The following ESRRG variants were observed in gnomAD, a reference collection of about 807,000 sequenced individuals.
The protein encoded by ESRRG is estrogen-related receptor gamma.
ESRRG carries 13 observed loss-of-function variants against 44.0 expected under a neutral mutation model. The ratio of observed to expected loss-of-function variants is 0.30; its 90% CI spans 0.19 to 0.47. The LOEUF (loss-of-function observed/expected upper bound fraction) is 0.47, where lower values mean the gene tolerates loss of function less well. ESRRG is among the 20% of genes least tolerant of loss of function. The pLI is 1.00. For synonymous variants in ESRRG, 215 were observed against 214.6 expected (o/e 1.00, Z -0.02); for missense variants, 395 against 580.6 (o/e 0.68, Z 3.29).
chr1:216,589,809 CAGA>C (rs2057334518), intron 3 of ESRRG, among the ~76,000 whole-genome samples: 1 of 140,092 alleles, frequency 7.1e-6, no homozygotes, highest in Admixed American at 7.9e-5. Flanking sequence ...GAGGCTGAGG[CAGA>C]AGAATTGCTT....
intron 1 of ESRRG, among the ~76,000 whole-genome samples, chr1:216,980,740 T>G (rs2073820540): frequency 6.6e-6 from 1 of 152,158 alleles, no homozygotes; most frequent in Non-Finnish European, 1.5e-5. Flanking sequence ...TCCAGATAAA[T>G]GCATATCCCA....
chr1:216,812,875 T>C (rs2095020435), intron 2 of ESRRG, among the ~76,000 whole-genome samples: 2 of 152,188 alleles, frequency 1.3e-5, no homozygotes. Flanking sequence ...TTAGGGTCTA[T>C]TTTCTATGCC....
chr1:217,022,827 G>A (rs1046993966), intron 1 of ESRRG, among the ~76,000 whole-genome samples: 1 of 152,132 alleles, frequency 6.6e-6, no homozygotes, highest in Non-Finnish European at 1.5e-5. Flanking sequence ...AAGGAAGGAG[G>A]AAAGGAGGGA....
intron 1 of ESRRG, among the ~76,000 whole-genome samples, chr1:217,099,033 T>G (rs1241723862): frequency 2.0e-5 from 3 of 152,208 alleles, no homozygotes; most frequent in Non-Finnish European, 4.4e-5. Context: ...CATAATTTAC[T>G]CATTTATTTT....
intron 2 of ESRRG, among the ~76,000 whole-genome samples, chr1:216,739,408 T>C (rs1256167454): frequency 1.3e-5 from 2 of 152,194 alleles, no homozygotes; most frequent in East Asian, 1.9e-4. Context: ...TCTTTTGGAC[T>C]TTCTATTTGA....
intron 1 of ESRRG, among the ~76,000 whole-genome samples, chr1:216,953,048 TC>T (rs978129124): frequency 2.6e-5 from 4 of 152,112 alleles, no homozygotes; most frequent in African/African-American, 4.8e-5. Flanking sequence ...TTTCCATTTC[TC>T]CCCCACATAA....
chr1:216,686,614 A>G (rs748932251), intron 1 of ESRRG, among the ~76,000 whole-genome samples: 11 of 148,428 alleles, frequency 7.4e-5, no homozygotes, highest in Non-Finnish European at 1.3e-4. Flanking sequence ...ATAAAATGCC[A>G]TTCTAAAAAA....
At chr1:216,586,269 A>G (rs2149900090) in intron 3 of ESRRG, among the ~76,000 whole-genome samples, 1 of 152,292 alleles carries the variant, frequency 6.6e-6, no homozygotes, top group East Asian at 1.9e-4. Context: ...AAATTTTAGC[A>G]TAATTTTTTA....
chr1:216,652,502 A>AT lies in ESRRG; in HGVS notation c.473-1414dup, dbSNP rs1355283705. Reference sequence around the variant, plus strand: ...AGTATGCATGACTTGAAAAAAACACATTATAGTTTGAGATAGCCTATCAGA... The same window carrying AT: ...AGTATGCATGACTTGAAAAAAACACATTTATAGTTTGAGATAGCCTATCAGA... On this transcript the variant is annotated intron_variant, in intron 2 of 6. Coordinates refer to ENST00000408911, the MANE Select transcript of ESRRG (RefSeq NM_001438.4). Among the ~76,000 whole-genome samples the AT allele has an allele frequency of 4.6e-5, 7 of 152,208 alleles. No homozygotes were observed. The East Asian group carries it at 1.3e-3, about 29-fold the overall frequency.
At chr1:217,127,996 T>C (rs763876279) in intron 1 of ESRRG, among the ~76,000 whole-genome samples, 46 of 152,342 alleles carry the variant, frequency 3.0e-4, no homozygotes, top group East Asian at 5.8e-4. Context: ...CCTCAGATGT[T>C]TTCAGGTGAC....
At chr1:216,911,075 C>T (rs964260523) in intron 2 of ESRRG, among the ~76,000 whole-genome samples, 1 of 151,854 alleles carries the variant, frequency 6.6e-6, no homozygotes, top group Non-Finnish European at 1.5e-5. Context: ...ATCTTGTAGG[C>T]CTTTTAATTG....
intron 6 of ESRRG, among the ~76,000 whole-genome samples, chr1:216,516,678 G>GAGAGAGAGAA (rs2044419724): frequency 1.2e-5 from 1 of 84,830 alleles, no homozygotes; most frequent in African/African-American, 3.6e-5. Flanking sequence ...CAGAGAGAGA[G>GAGAGAGAGAA]AGAGAAACGA....
intron 3 of ESRRG, among the ~76,000 whole-genome samples, chr1:216,634,714 GGT>G (rs1237028339): frequency 1.3e-5 from 2 of 152,128 alleles, no homozygotes; most frequent in Admixed American, 1.3e-4. Context: ...TGATGCAACT[GGT>G]GAAGGGACAG....
intron 2 of ESRRG, among the ~76,000 whole-genome samples, chr1:216,887,919 C>T (rs2057252344): frequency 6.6e-6 from 1 of 152,050 alleles, no homozygotes; most frequent in Admixed American, 6.5e-5. Flanking sequence ...ATCTTAGATG[C>T]AGTGAAGTTC....
intron 2 of ESRRG, among the ~76,000 whole-genome samples, chr1:216,669,485 T>C (rs1407445516): frequency 2.0e-5 from 3 of 152,238 alleles, no homozygotes; most frequent in African/African-American, 2.4e-5. Context: ...AGTAGAATGA[T>C]ATTTGTTATT....
At chr1:217,127,811 G>A (rs1201310528) in intron 1 of ESRRG, among the ~76,000 whole-genome samples, 1 of 152,154 alleles carries the variant, frequency 6.6e-6, no homozygotes, top group African/African-American at 2.4e-5. Context: ...AGAATATCTG[G>A]TAGAATGTAA....
chr1:217,012,376 C>T lies in ESRRG; in HGVS notation c.-105-72703G>A, dbSNP rs79925989. ...TGATAAGATGTGATCACAGGGACCCCAAACTCTCAATGCATAAAATGTGGG... is the reference window on the plus strand; with the variant it reads ...TGATAAGATGTGATCACAGGGACCCTAAACTCTCAATGCATAAAATGTGGG... On this transcript the variant is annotated intron_variant, in intron 1 of 7. Coordinates refer to the ESRRG transcript ENST00000359162. Among the ~76,000 whole-genome samples the T allele has an allele frequency of 1.1e-3, 164 of 152,256 alleles. 1 individual carries two copies. The highest frequency in any genetic ancestry group is 2.1e-3 in the Admixed American group (32 of 15,280).
At chr1:216,750,159 C>CA (rs1343987129) in intron 2 of ESRRG, among the ~76,000 whole-genome samples, 1 of 152,170 alleles carries the variant, frequency 6.6e-6, no homozygotes, top group East Asian at 1.9e-4. Context: ...GTTTACAAGG[C>CA]AAAAAATGCC....
chr1:217,136,992 C>G (rs777870511), intron 1 of ESRRG, among the ~76,000 whole-genome samples: 1 of 152,158 alleles, frequency 6.6e-6, no homozygotes, highest in Non-Finnish European at 1.5e-5. Flanking sequence ...CCTCTTTGGA[C>G]GTTCTCTGCC....
Sources: allele counts gnomAD v4.1 joint callset (sites outside exome capture counted in the v4.1 genomes callset), GRCh38; gene constraint gnomAD v4.1.1; transcripts MANE v1.5; gene names NCBI Gene and HGNC (gene_info 2026-07-23, HGNC 2026-07-21).